The following DLG1 variants were observed in gnomAD, a reference collection of about 807,000 sequenced individuals.
DLG1 encodes discs large MAGUK scaffold protein 1, also known as disks large homolog 1.
In DLG1, 42 loss-of-function variants were observed where a neutral mutation model predicts 123.4. The ratio of observed to expected loss-of-function variants is 0.34; its 90% CI spans 0.27 to 0.44. DLG1 has a LOEUF of 0.44. Among genes scored for constraint, DLG1 ranks in the 20% least tolerant of loss-of-function variants. The pLI is 1.00. For missense variants in DLG1, 942 were observed against 1,082.6 expected (o/e 0.87, Z 1.82); for synonymous variants, 317 against 356.2 (o/e 0.89, Z 1.24).
chr3:197,229,982 T>C (rs1040959701), intron 4 of DLG1, among the ~76,000 whole-genome samples: 6 of 152,220 alleles, frequency 3.9e-5, no homozygotes, highest in Non-Finnish European at 8.8e-5. Context: ...ATGGGAATCA[T>C]GTCTGACTAC....
intron 5 of DLG1, among the ~76,000 whole-genome samples, chr3:197,163,751 C>T (rs1293456848): frequency 1.5e-5 from 2 of 136,324 alleles, no homozygotes; most frequent in Non-Finnish European, 3.0e-5. Flanking sequence ...CTTGGCCAGG[C>T]TGGTCTTGAA....
At chr3:197,118,764 A>G (rs896220049) in intron 12 of DLG1, among the ~76,000 whole-genome samples, 1 of 152,184 alleles carries the variant, frequency 6.6e-6, no homozygotes. Context: ...CAGTTAATCT[A>G]TACATTTCAG....
chr3:197,136,440 A>T, intron 10 of DLG1, 102 bp downstream of exon 10: 1 of 893,942 alleles, frequency 1.1e-6, no homozygotes, highest in South Asian at 1.9e-5. Flanking sequence ...TGCTAATTTA[A>T]ACATCATTTA....
intron 3 of DLG1, among the ~76,000 whole-genome samples, chr3:197,290,565 A>T (rs1774327570): frequency 6.6e-6 from 1 of 152,172 alleles, no homozygotes; most frequent in South Asian, 2.1e-4. Context: ...ACCTGAATCT[A>T]ATCACAAGGA....
chr3:197,085,815 T>C (rs1378852316), intron 15 of DLG1, 59 bp from the exon 16 acceptor site: 7 of 1,498,540 alleles, frequency 4.7e-6, no homozygotes, highest in African/African-American at 1.4e-5. Context: ...CAACATATCA[T>C]AGGGTTCTGA....
intron 4 of DLG1, among the ~76,000 whole-genome samples, chr3:197,200,085 T>C (rs916173859): frequency 1.3e-5 from 2 of 152,178 alleles, no homozygotes; most frequent in Middle Eastern, 3.2e-3. Flanking sequence ...AAATTACTAC[T>C]TCATTCCTGT....
chr3:197,141,064 T>C (rs896499573), intron 7 of DLG1, among the ~76,000 whole-genome samples: 2 of 152,228 alleles, frequency 1.3e-5, no homozygotes, highest in African/African-American at 4.8e-5. Context: ...TGTTTATTTC[T>C]TGAAGAATGT....
chr3:197,175,803 G>A (rs1195475258), intron 5 of DLG1, among the ~76,000 whole-genome samples: 4 of 152,080 alleles, frequency 2.6e-5, no homozygotes, highest in South Asian at 2.1e-4. Flanking sequence ...AATTAGAGTC[G>A]TGATAAGAGG....
intron 6 of DLG1, 114 bp downstream of exon 6, chr3:197,149,629 A>G (rs1214158078): frequency 2.6e-6 from 2 of 761,522 alleles, no homozygotes; most frequent in African/African-American, 3.5e-5. Flanking sequence ...ATAGTGATAG[A>G]ACATCTTAAG....
At chr3:197,116,504 A>T (rs1040582193) in intron 12 of DLG1, among the ~76,000 whole-genome samples, 8 of 152,180 alleles carry the variant, frequency 5.3e-5, no homozygotes, top group African/African-American at 1.9e-4. Flanking sequence ...CCAGTCTCAA[A>T]GGGATGAACC....
At chr3:197,295,646 A>G (rs1015676422) in intron 3 of DLG1, among the ~76,000 whole-genome samples, 8 of 152,172 alleles carry the variant, frequency 5.3e-5, no homozygotes, top group African/African-American at 1.2e-4. Context: ...AAAATGATTT[A>G]TCTACTTAAA....
intron 3 of DLG1, among the ~76,000 whole-genome samples, chr3:197,294,404 T>C (rs200085213): frequency 6.7e-6 from 1 of 149,574 alleles, no homozygotes; most frequent in Non-Finnish European, 1.5e-5. Flanking sequence ...CCCAACATTT[T>C]GGGAGGCCGA....
intron 5 of DLG1, among the ~76,000 whole-genome samples, chr3:197,163,524 A>ATT (rs59011566): frequency 5.7e-5 from 8 of 140,440 alleles, no homozygotes; most frequent in African/African-American, 1.6e-4. Flanking sequence ...AATGGGTATG[A>ATT]TTTTTTTTTT....
rs570596943 is a variant in DLG1, at chr3:197,260,750, C to CAAAAAAAAAAAAAAAAA, written c.318+21912_318+21928dup. On this transcript the variant is annotated intron_variant, in intron 4 of 24. Transcript: ENST00000667157. ...GTTTGGATACTCAAATGACAACCAC[C>CAAAAAAAAAAAAAAAAA]AAAAAAAAAAAAAAAAAAAAAAAAA... is the stretch of plus-strand genomic sequence containing the variant. 8.7e-4 allele frequency among the ~76,000 whole-genome samples: 16 copies of CAAAAAAAAAAAAAAAAA among 18,328 alleles called. 1 individual carries two copies. Among genetic ancestry groups the CAAAAAAAAAAAAAAAAA allele is most frequent in the Non-Finnish European group, 1.3e-3 (14 of 10,790 alleles). 12.0% of individuals were successfully genotyped at this position (18,328 alleles called of 152,430 possible).
chr3:197,150,802 T>G (rs921939045), intron 5 of DLG1, among the ~76,000 whole-genome samples: 2 of 152,066 alleles, frequency 1.3e-5, no homozygotes, highest in Non-Finnish European at 1.5e-5. Flanking sequence ...TTCAGCACAG[T>G]ACCACAGCTA....
rs1168698966 is a variant in DLG1 at position 197,297,276 on chromosome 3, G to GTTAAACTAGCATT, written c.-31-54_-31-42dup. ...CGGAAAGGAAAAAGGATAGAATCAT[G>GTTAAACTAGCATT]TTAAACTAGCATTTTCCCCTATCGA... On this transcript the variant is annotated intron_variant, in intron 1 of 24. Coordinates refer to ENST00000667157, the MANE Select transcript of DLG1 (RefSeq NM_001366207.1). 3.7e-6 allele frequency: 6 copies of GTTAAACTAGCATT among 1,608,386 alleles called. No homozygotes were observed. In the African/African-American group the frequency reaches 8.0e-5, roughly 22 times the overall value.
intron 4 of DLG1, among the ~76,000 whole-genome samples, chr3:197,268,969 C>T (rs1487023458): frequency 6.6e-6 from 1 of 152,140 alleles, no homozygotes; most frequent in African/African-American, 2.4e-5. Context: ...GACAGTACCA[C>T]TGAAAGGTCT....
chr3:197,261,280 T>C (rs1759324936), intron 4 of DLG1, among the ~76,000 whole-genome samples: 1 of 152,156 alleles, frequency 6.6e-6, no homozygotes, highest in South Asian at 2.1e-4. Flanking sequence ...CCTATACAAA[T>C]GCCATAGTGA....
intron 5 of DLG1, among the ~76,000 whole-genome samples, chr3:197,174,250 T>C (rs1805855338): frequency 6.6e-6 from 1 of 152,134 alleles, no homozygotes; most frequent in Non-Finnish European, 1.5e-5. Context: ...CTAAGTTAAC[T>C]TTTACTAACT....
Sources: allele counts gnomAD v4.1 joint callset (sites outside exome capture counted in the v4.1 genomes callset), GRCh38; gene constraint gnomAD v4.1.1; transcripts MANE v1.5; gene names NCBI Gene and HGNC (gene_info 2026-07-23, HGNC 2026-07-21).